NKD1: variants seen among roughly 807,000 people sequenced by gnomAD.
The protein encoded by NKD1 is protein naked cuticle homolog 1.
In NKD1, 21 loss-of-function variants were observed where a neutral mutation model predicts 56.0. The ratio of observed to expected loss-of-function variants is 0.38; its 90% CI spans 0.27 to 0.54. NKD1 has a LOEUF of 0.54. NKD1 is among the 20% of genes least tolerant of loss of function. The pLI is 0.82. For missense variants in NKD1, 578 were observed against 642.7 expected (o/e 0.90, Z 1.09); for synonymous variants, 263 against 265.7 (o/e 0.99, Z 0.10).
intron 3 of NKD1, chr16:50,574,119 A>C: frequency 1.2e-6 from 1 of 842,112 alleles, no homozygotes; most frequent in Non-Finnish European, 1.4e-6. Flanking sequence ...CTTCCTAGTC[A>C]CATGGGTATT....
chr16:50,571,304 G>T (rs1433502315), intron 3 of NKD1, among the ~76,000 whole-genome samples: 1 of 152,330 alleles, frequency 6.6e-6, no homozygotes, highest in Non-Finnish European at 1.5e-5. Context: ...GGGGAGATGT[G>T]ATCCGGAGAG....
chr16:50,600,606 G>A (rs1478619659), intron 3 of NKD1, among the ~76,000 whole-genome samples: 2 of 152,248 alleles, frequency 1.3e-5, no homozygotes, highest in African/African-American at 4.8e-5. Flanking sequence ...CAGAGACATG[G>A]CTCTGGAGGA....
At chr16:50,553,040 C>T (rs1960425206) in intron 3 of NKD1, among the ~76,000 whole-genome samples, 1 of 152,142 alleles carries the variant, frequency 6.6e-6, no homozygotes, top group Non-Finnish European at 1.5e-5. Context: ...CAAAGAACAC[C>T]ATGTTAAACA....
intron 3 of NKD1, chr16:50,558,057 T>C (rs1457520133): frequency 6.6e-6 from 1 of 152,226 alleles, no homozygotes. Flanking sequence ...CCCCAGCCAA[T>C]CACTGCCATG....
chr16:50,574,512 TG>T lies in NKD1; in HGVS notation c.192+24959del, dbSNP rs1302406872. ...TCCATTTTGCTCCTCCTGCTGCTGG[TG>T]GCCGAGGCCCAGGCACGGCCGAATG... On this transcript the variant is annotated intron_variant, in intron 3 of 9. Transcript: ENST00000268459. 3.0e-6 allele frequency: 3 copies of T among 985,310 alleles called. No homozygotes were observed. In the African/African-American group the frequency reaches 5.2e-5, roughly 17 times the overall value. The allele number at this position is 985,310 out of a possible 1,614,324, so 61.0% of individuals were successfully genotyped here.
intron 3 of NKD1, among the ~76,000 whole-genome samples, chr16:50,600,227 A>T (rs1455686639): frequency 6.6e-6 from 1 of 151,756 alleles, no homozygotes; most frequent in African/African-American, 2.4e-5. Flanking sequence ...AATTGTCCTT[A>T]AAAAAACAAA....
intron 3 of NKD1, among the ~76,000 whole-genome samples, chr16:50,584,211 C>T (rs141118822): frequency 4.5e-4 from 69 of 152,294 alleles, no homozygotes; most frequent in African/African-American, 1.6e-3. Context: ...TTGTGTATGT[C>T]CTATCCCTCC....
At chr16:50,555,593 C>T (rs1187800259) in intron 3 of NKD1, 1 of 152,530 alleles carries the variant, frequency 6.6e-6, no homozygotes, top group Admixed American at 6.5e-5. Context: ...CTTCAGGGAC[C>T]AGGGAACAAG....
intron 4 of NKD1, among the ~76,000 whole-genome samples, chr16:50,619,086 A>C (rs1962028946): frequency 6.6e-6 from 1 of 151,380 alleles, no homozygotes; most frequent in Non-Finnish European, 1.5e-5. Flanking sequence ...TTGAACTTGA[A>C]GTTTGGTTTC....
intron 3 of NKD1, among the ~76,000 whole-genome samples, chr16:50,578,288 A>T (rs1431385785): frequency 6.6e-6 from 1 of 152,250 alleles, no homozygotes; most frequent in African/African-American, 2.4e-5. Context: ...AGAACTAATC[A>T]CATGGCCCCA....
chr16:50,625,742 G>A (rs1012218181), intron 6 of NKD1, among the ~76,000 whole-genome samples, 162 bp downstream of exon 6: 3 of 152,246 alleles, frequency 2.0e-5, no homozygotes, highest in Non-Finnish European at 4.4e-5. Context: ...GAGATCTGGA[G>A]GGGCATCCCA....
intron 4 of NKD1, among the ~76,000 whole-genome samples, chr16:50,610,575 C>G (rs981584315): frequency 3.9e-5 from 6 of 152,246 alleles, no homozygotes; most frequent in African/African-American, 1.4e-4. Flanking sequence ...TAAGGGAGAA[C>G]AAGCCGAGTC....
In NKD1 at chr16:50,556,951, G is replaced by A. The variant is rs1960517704; in HGVS notation, c.192+7396G>A. On this transcript the variant is annotated intron_variant, in intron 3 of 9. Transcript: ENST00000268459. Reference sequence around the variant, plus strand: ...GTTCTACAGGTAAATTGTGTGTCATGGGAGTTTCGTGTGCAGGTTATTTCA... The same window carrying A: ...GTTCTACAGGTAAATTGTGTGTCATAGGAGTTTCGTGTGCAGGTTATTTCA... 2.0e-5 allele frequency: 3 copies of A among 152,084 alleles called. No individual in the cohort carries two copies. In the South Asian group the frequency reaches 6.2e-4, roughly 32 times the overall value. 9.4% of individuals were successfully genotyped at this position (152,084 alleles called of 1,614,324 possible).
intron 3 of NKD1, among the ~76,000 whole-genome samples, chr16:50,586,278 C>T (rs1334263981): frequency 6.6e-6 from 1 of 151,510 alleles, no homozygotes; most frequent in Non-Finnish European, 1.5e-5. Context: ...TCTGGTTAGT[C>T]AAGGTGGTGG....
Position 50,633,173 on chromosome 16 carries a change from C to G in NKD1, c.824-19C>G, listed in dbSNP as rs1357466977. On this transcript the variant is annotated intron_variant, in intron 9 of 9. Coordinates refer to ENST00000268459, the MANE Select transcript of NKD1 (RefSeq NM_033119.5). The surrounding 1 kb of genome is among the most constrained non-coding windows in gnomAD (Gnocchi z 4.9). ...CACACAGTAGGTGCTCATTAAATGT[C>G]TGTTGAATTGGTTCCTAGGCTCCCC... The G allele has an allele frequency of 6.3e-7, 1 of 1,583,374 alleles. No individual in the cohort carries two copies. The highest frequency in any genetic ancestry group is 1.2e-5 in the South Asian group (1 of 86,290).
chr16:50,628,012 A>G (rs1483765576), intron 6 of NKD1, among the ~76,000 whole-genome samples: 1 of 152,174 alleles, frequency 6.6e-6, no homozygotes, highest in Non-Finnish European at 1.5e-5. Context: ...AAAAGGAGGC[A>G]CAAGGAGAGT....
chr16:50,627,523 T>A (rs1596756921), intron 6 of NKD1, among the ~76,000 whole-genome samples: 1 of 151,900 alleles, frequency 6.6e-6, no homozygotes, highest in African/African-American at 2.4e-5. Context: ...ACTGGTCTGG[T>A]GTTTCCCTGG....
At chr16:50,581,832 G>A (rs1008684711) in intron 3 of NKD1, among the ~76,000 whole-genome samples, 1 of 152,190 alleles carries the variant, frequency 6.6e-6, no homozygotes, top group Admixed American at 6.5e-5. Context: ...GTGTGTGTAG[G>A]CATGCGTGCC....
chr16:50,563,832 G>A (rs1391539026), intron 3 of NKD1, among the ~76,000 whole-genome samples: 1 of 146,862 alleles, frequency 6.8e-6, no homozygotes, highest in Non-Finnish European at 1.5e-5. Context: ...CATCCTCAGT[G>A]GGCACAGCCC....
Sources: gnomAD v4.1 joint callset for allele counts (sites outside exome capture counted in the v4.1 genomes callset) on GRCh38, gnomAD v4.1.1 for gene constraint, Gnocchi (gnomAD v3.1) non-coding constraint, MANE v1.5 for transcripts, NCBI Gene and HGNC (gene_info 2026-07-23, HGNC 2026-07-21) for gene names.